VOPP1: variants seen among roughly 807,000 people sequenced by gnomAD.
The protein encoded by VOPP1 is WW domain binding protein VOPP1.
In VOPP1, 8 loss-of-function variants were observed where a neutral mutation model predicts 23.5. The observed-to-expected ratio is 0.34, with a 90% confidence interval of 0.20 to 0.61. VOPP1 has a LOEUF of 0.61. VOPP1 is among the 20% of genes least tolerant of loss of function. VOPP1 has a pLI of 0.78. For synonymous variants in VOPP1, 83 were observed against 97.3 expected (o/e 0.85, Z 0.86); for missense variants, 174 against 238.1 (o/e 0.73, Z 1.77).
chr7:55,553,229 T>C (rs62454998), intron 1 of VOPP1, among the ~76,000 whole-genome samples: 6 of 152,234 alleles, frequency 3.9e-5, no homozygotes, highest in Non-Finnish European at 8.8e-5. Flanking sequence ...TCCTCTGTTA[T>C]ACAGGCTATT....
chr7:55,537,099 T>C (rs1202239146), intron 1 of VOPP1, among the ~76,000 whole-genome samples: 3 of 152,146 alleles, frequency 2.0e-5, no homozygotes, highest in African/African-American at 7.2e-5. Context: ...GTCCAAGATC[T>C]CTCGGCCTGA....
intron 4 of VOPP1, among the ~76,000 whole-genome samples, chr7:55,476,153 C>A (rs1792233027): frequency 6.6e-6 from 1 of 152,224 alleles, no homozygotes; most frequent in South Asian, 2.1e-4. Context: ...AGCCGGGCTG[C>A]ACTCACACCC....
intron 4 of VOPP1, among the ~76,000 whole-genome samples, chr7:55,490,281 G>C (rs914214592): frequency 6.6e-6 from 1 of 152,144 alleles, no homozygotes; most frequent in Non-Finnish European, 1.5e-5. Flanking sequence ...TGAGATAAGG[G>C]ATGTGGCAGA....
chr7:55,518,070 G>A (rs1469429015), intron 2 of VOPP1, among the ~76,000 whole-genome samples: 1 of 152,222 alleles, frequency 6.6e-6, no homozygotes, highest in Admixed American at 6.5e-5. Context: ...ATATGTAACA[G>A]AGAGGTGAGC....
intron 4 of VOPP1, among the ~76,000 whole-genome samples, chr7:55,465,451 C>G (rs1791609743): frequency 6.6e-6 from 1 of 152,168 alleles, no homozygotes; most frequent in African/African-American, 2.4e-5. Context: ...TGATCGTAGT[C>G]TGAAAGATGG....
At chr7:55,463,813 G>T (rs1226134180) in intron 4 of VOPP1, among the ~76,000 whole-genome samples, 1 of 152,228 alleles carries the variant, frequency 6.6e-6, no homozygotes. Flanking sequence ...GGGCGGGCCT[G>T]CCCTCAGGCC....
At chr7:55,520,923 G>A in intron 2 of VOPP1, 149 bp downstream of exon 2, 1 of 752,952 alleles carries the variant, frequency 1.3e-6, no homozygotes, top group South Asian at 1.8e-5. Context: ...GAGGTCACCT[G>A]CTCATCCCCC....
chr7:55,443,802 G>A (rs886105606), intron 4 of VOPP1, among the ~76,000 whole-genome samples: 12 of 151,746 alleles, frequency 7.9e-5, no homozygotes, highest in Non-Finnish European at 1.2e-4. Context: ...ACATCACCAC[G>A]CTCAGCTAAT....
At chr7:55,487,626 C>T (rs1345330838) in intron 4 of VOPP1, among the ~76,000 whole-genome samples, 1 of 152,198 alleles carries the variant, frequency 6.6e-6, no homozygotes, top group Non-Finnish European at 1.5e-5. Context: ...CCTGGCTAGC[C>T]TCATGACCAT....
intron 2 of VOPP1, among the ~76,000 whole-genome samples, chr7:55,508,760 TACCAGAAACCACCTTCTCTGGAA>T (rs1794888793): frequency 7.4e-6 from 1 of 135,818 alleles, no homozygotes; most frequent in South Asian, 2.1e-4. Context: ...AAACAGTTAT[TACCAGAAACCACCTTCTCTGGAA>T]GGTGTTTTTC....
intron 1 of VOPP1, among the ~76,000 whole-genome samples, chr7:55,523,046 T>TA (rs1795970273): frequency 6.6e-6 from 1 of 152,172 alleles, no homozygotes; most frequent in Non-Finnish European, 1.5e-5. Flanking sequence ...CCTTGGTGGG[T>TA]GTCTTCTTCT....
At chr7:55,480,082 G>A (rs893207397) in intron 4 of VOPP1, among the ~76,000 whole-genome samples, 4 of 152,096 alleles carry the variant, frequency 2.6e-5, no homozygotes, top group African/African-American at 9.7e-5. Flanking sequence ...AATATGATTC[G>A]ATATAATTTT....
downstream of VOPP1, among the ~76,000 whole-genome samples, chr7:55,469,018 T>TA (rs1456487541): frequency 6.6e-6 from 1 of 152,232 alleles, no homozygotes; most frequent in Non-Finnish European, 1.5e-5. Context: ...TCTTTTAAAG[T>TA]ACACTAGTTT....
At chr7:55,479,117 A>C (rs1458352441) in intron 4 of VOPP1, among the ~76,000 whole-genome samples, 1 of 151,478 alleles carries the variant, frequency 6.6e-6, no homozygotes, top group African/African-American at 2.4e-5. Flanking sequence ...TTGTAGCCAA[A>C]AGCCTTGAAC....
intron 4 of VOPP1, among the ~76,000 whole-genome samples, chr7:55,474,845 A>G (rs921567973): frequency 2.6e-4 from 39 of 152,222 alleles, no homozygotes; most frequent in African/African-American, 8.9e-4. Flanking sequence ...GGCTGATGAG[A>G]AGGATGCATA....
intron 4 of VOPP1, among the ~76,000 whole-genome samples, chr7:55,446,214 C>T (rs1386478682): frequency 6.6e-6 from 1 of 152,138 alleles, no homozygotes; most frequent in African/African-American, 2.4e-5. Context: ...AGGATGGTCT[C>T]AATCTCCTGA....
chr7:55,540,731 C>A (rs2129050769), intron 1 of VOPP1, among the ~76,000 whole-genome samples: 1 of 152,338 alleles, frequency 6.6e-6, no homozygotes, highest in South Asian at 2.1e-4. Context: ...AGTGTCAGGT[C>A]TTCACCTCCG....
At position 55,443,012 on chromosome 7, in the gene VOPP1, A is replaced by G. The variant is rs189228419; in HGVS notation, n.418-6838T>C. On this transcript the variant is annotated intron_variant and non_coding_transcript_variant, in intron 4 of 4. Transcript: ENST00000462326. ...CAGGCGCCTGTAGTCCCAGCTACTC[A>G]GGAGGCTGAGGCAGGAGAATGGCGT... is the stretch of plus-strand genomic sequence containing the variant. 9.8e-3 allele frequency among the ~76,000 whole-genome samples: 1,491 copies of G among 151,374 alleles called. 20 individuals are homozygous for G. The highest frequency in any genetic ancestry group is 0.033 in the African/African-American group (1,353 of 41,288).
At chr7:55,508,361 T>A (rs529961384) in intron 2 of VOPP1, among the ~76,000 whole-genome samples, 13 of 152,188 alleles carry the variant, frequency 8.5e-5, no homozygotes, top group Admixed American at 2.6e-4. Flanking sequence ...TCAAATTCCT[T>A]GGCTTAAGTG....
Sources: gnomAD v4.1 joint callset for allele counts (sites outside exome capture counted in the v4.1 genomes callset) on GRCh38, gnomAD v4.1.1 for gene constraint, MANE v1.5 for transcripts, NCBI Gene and HGNC (gene_info 2026-07-23, HGNC 2026-07-21) for gene names.